Variants in CPO observed in about 807,000 individuals in gnomAD.
CPO encodes metallocarboxypeptidase C.
In CPO, 43 loss-of-function variants were observed where a neutral mutation model predicts 41.2. That is an observed-to-expected ratio of 1.04 (90% confidence interval 0.82 to 1.35). The LOEUF is 1.35. CPO is among the 40% of genes most tolerant of loss of function. The pLI, the probability that CPO is intolerant of heterozygous loss-of-function variation, is 0.00. For missense variants in CPO, 408 were observed against 451.7 expected (o/e 0.90, Z 0.88); for synonymous variants, 178 against 162.7 (o/e 1.09, Z -0.72).
chr2:206,955,235 A>G (rs1158366854), intron 2 of CPO, among the ~76,000 whole-genome samples: 1 of 152,206 alleles, frequency 6.6e-6, no homozygotes, highest in East Asian at 1.9e-4. Context: ...AATTCTTAAT[A>G]ACTTATTGGT....
At chr2:206,939,721 T>TA in intron 1 of CPO, 54 bp downstream of exon 1, 1 of 1,507,962 alleles carries the variant, frequency 6.6e-7, no homozygotes. Flanking sequence ...TTGTCTAAAT[T>TA]GAATGGTTTC....
At chr2:206,958,540 T>A (rs1344436701) in intron 4 of CPO, 135 bp downstream of exon 4, 3 of 494,966 alleles carry the variant, frequency 6.1e-6, no homozygotes, top group Non-Finnish European at 1.1e-5. Context: ...TCACCTCAAG[T>A]GAAATAAAAT....
chr2:206,943,327 A>C (rs190855361), intron 1 of CPO, among the ~76,000 whole-genome samples: 259 of 152,268 alleles, frequency 1.7e-3, no homozygotes, highest in Non-Finnish European at 2.4e-3. Flanking sequence ...CCAAACAGCC[A>C]GTGTGAGGAA....
At chr2:206,943,517 G>T (rs1693066738) in intron 1 of CPO, among the ~76,000 whole-genome samples, 1 of 151,512 alleles carries the variant, frequency 6.6e-6, no homozygotes. Context: ...CGATTTTTTA[G>T]CCCCTAAAAG....
intron 3 of CPO, among the ~76,000 whole-genome samples, chr2:206,956,772 G>A (rs1259040367): frequency 6.6e-6 from 1 of 152,118 alleles, no homozygotes. Flanking sequence ...ACTTAGTGTA[G>A]GTGTGTTAAT....
intron 3 of CPO, among the ~76,000 whole-genome samples, 160 bp downstream of exon 3, chr2:206,955,724 A>G (rs934586101): frequency 6.6e-6 from 1 of 152,202 alleles, no homozygotes; most frequent in African/African-American, 2.4e-5. Flanking sequence ...AAACTCATAG[A>G]TGCTCTTGCC....
chr2:206,939,582 A>G lies in CPO; in HGVS notation c.-18A>G. ...CTGCCAGAGAGGCCCAGAATTTTCTAACTTACTGTGTGGCAGAATGAAGCC... is the reference window on the plus strand; with the variant it reads ...CTGCCAGAGAGGCCCAGAATTTTCTGACTTACTGTGTGGCAGAATGAAGCC... On this transcript the variant is annotated 5_prime_UTR_variant, in exon 1 of 9. It removes the in-frame stop codon of an upstream open reading frame in the 5' UTR. Transcript: ENST00000272852. 6.2e-7 allele frequency: 1 copy of G among 1,608,964 alleles called. No homozygotes were observed. The highest frequency in any genetic ancestry group is 8.5e-7 in the Non-Finnish European group (1 of 1,176,152).
intron 7 of CPO, among the ~76,000 whole-genome samples, chr2:206,965,476 C>T (rs1265075552): frequency 6.6e-6 from 1 of 152,144 alleles, no homozygotes; most frequent in Non-Finnish European, 1.5e-5. Flanking sequence ...ACATGATAGA[C>T]AGCTTGGCAA....
intron 3 of CPO, among the ~76,000 whole-genome samples, chr2:206,956,879 G>A (rs983181647): frequency 6.6e-6 from 1 of 152,178 alleles, no homozygotes; most frequent in African/African-American, 2.4e-5. Flanking sequence ...TGAGCAACTG[G>A]TTGATGTATT....
intron 3 of CPO, 90 bp downstream of exon 3, chr2:206,955,654 A>G (rs1161879473): frequency 1.9e-5 from 15 of 807,522 alleles, no homozygotes; most frequent in Non-Finnish European, 3.1e-5. Flanking sequence ...AGAAGTGTGG[A>G]AAAGAGGCTA....
rs762600592 is a variant in CPO at position 206,969,391 on chromosome 2, C to G, written c.1080C>G (p.Ala360=). ...ACAGTGCTGGAAGGGTGACATCTGC[C>G]ACTATGCTGCTGGGCCTGCTGGTGT... The part of the protein sequence containing the change: ...HSDSAGRVTS[A]TMLLGLLVSC... The change falls in exon 9 of 9, where the codon GCC becomes GCG. Residue 360 remains alanine, a synonymous_variant. Coordinates refer to ENST00000272852, the MANE Select transcript of CPO (RefSeq NM_173077.3). The G allele has an allele frequency of 6.2e-7, 1 of 1,614,100 alleles. No individual in the cohort carries two copies. Among genetic ancestry groups the G allele is most frequent in the Non-Finnish European group, 8.5e-7 (1 of 1,180,008 alleles).
intron 1 of CPO, among the ~76,000 whole-genome samples, chr2:206,941,219 A>C (rs1384975020): frequency 6.6e-6 from 1 of 151,918 alleles, no homozygotes; most frequent in Admixed American, 6.6e-5. Flanking sequence ...TAATATTTGG[A>C]AACAACTTGA....
chr2:206,939,621 C>G lies in CPO; in HGVS notation c.22C>G (p.Leu8Val), dbSNP rs1692992436. 6.2e-7 allele frequency: 1 copy of G among 1,611,278 alleles called. No homozygotes were observed. The highest frequency in any genetic ancestry group is 8.5e-7 in the Non-Finnish European group (1 of 1,177,980). Reference protein sequence around the residue: MKPLLETLYLLGMLVPGG... With the variant: MKPLLETVYLLGMLVPGG... ...CAGAATGAAGCCTCTGCTTGAAACC[C>G]TTTATCTTTTGGGGATGCTGGTTCC... The change falls in exon 1 of 9, where the codon CTT becomes GTT. Residue 8 changes from leucine to valine, a missense_variant. Physicochemically the swap from Leu to Val is conservative, Grantham distance 32 (BLOSUM62 1). Transcript: ENST00000272852.
intron 7 of CPO, among the ~76,000 whole-genome samples, chr2:206,963,206 T>C (rs1044082305): frequency 6.6e-6 from 1 of 152,230 alleles, no homozygotes; most frequent in Non-Finnish European, 1.5e-5. Context: ...CCAAGCACTG[T>C]TGGGCAGAAT....
chr2:206,943,714 AGATGATGGATAGAT>A (rs1559068344), intron 1 of CPO, among the ~76,000 whole-genome samples: 12 of 71,422 alleles, frequency 1.7e-4, no homozygotes, highest in Non-Finnish European at 2.6e-4. Context: ...ATAGATAGAT[AGATGATGGATAGAT>A]GATAGATAGA....
At chr2:206,963,889 AT>A (rs1309241187) in intron 7 of CPO, among the ~76,000 whole-genome samples, 1 of 152,154 alleles carries the variant, frequency 6.6e-6, no homozygotes, top group Non-Finnish European at 1.5e-5. Flanking sequence ...TGGCAATTCT[AT>A]TTTTAATTTT....
At chr2:206,949,384 C>A (rs779002737) in intron 1 of CPO, among the ~76,000 whole-genome samples, 12 of 152,192 alleles carry the variant, frequency 7.9e-5, no homozygotes, top group Admixed American at 1.3e-4. Context: ...AGCCTCCCTG[C>A]AAGGTTGGAA....
chr2:206,956,257 C>T (rs1009146058), intron 3 of CPO, among the ~76,000 whole-genome samples: 4 of 152,086 alleles, frequency 2.6e-5, no homozygotes, highest in African/African-American at 4.8e-5. Flanking sequence ...ATGCCTAGAC[C>T]CCACCTAATT....
At chr2:206,941,252 A>G (rs1017630126) in intron 1 of CPO, among the ~76,000 whole-genome samples, 4 of 151,996 alleles carry the variant, frequency 2.6e-5, no homozygotes, top group African/African-American at 9.7e-5. Context: ...GGTTATGTAA[A>G]TGCTGATATG....
Sources: allele counts gnomAD v4.1 joint callset (sites outside exome capture counted in the v4.1 genomes callset), GRCh38; gene constraint gnomAD v4.1.1; transcripts MANE v1.5; gene names NCBI Gene and HGNC (gene_info 2026-07-23, HGNC 2026-07-21).